CFLAR: variants seen among roughly 807,000 people sequenced by gnomAD.
CFLAR encodes the protein CASP8 and FADD like apoptosis regulator, also known as CASP8 and FADD-like apoptosis regulator.
CFLAR carries 14 observed loss-of-function variants against 51.1 expected under a neutral mutation model. The observed-to-expected ratio is 0.27, with a 90% CI of 0.18 to 0.43. The LOEUF is 0.43. CFLAR is among the 20% of genes least tolerant of loss of function. CFLAR has a pLI of 1.00. For missense variants in CFLAR, 390 were observed against 566.5 expected, an observed-to-expected ratio of 0.69 and a Z score of 3.16; for synonymous variants, 210 against 211.6, an observed-to-expected ratio of 0.99 and a Z score of 0.06.
intron 6 of CFLAR, chr2:201,147,874 TA>T (rs1413879147): frequency 1.3e-5 from 2 of 152,020 alleles, no homozygotes; most frequent in African/African-American, 4.8e-5. Flanking sequence ...TCTAAATAAA[TA>T]AATAAATAAT....
intron 5 of CFLAR, among the ~76,000 whole-genome samples, chr2:201,142,292 TTA>T (rs1180957244): frequency 4.4e-5 from 6 of 137,280 alleles, no homozygotes; most frequent in Admixed American, 7.2e-5. Context: ...AAAAAAAATA[TTA>T]TATATATATA....
At chr2:201,154,095 TTTAA>T in intron 8 of CFLAR, 1 of 302,034 alleles carries the variant, frequency 3.3e-6, no homozygotes, top group Non-Finnish European at 6.5e-6. Context: ...TTTTTATATT[TTTAA>T]TTTATTTTTA....
chr2:201,132,431 ATATATATAT>A (rs1296660180), intron 2 of CFLAR, among the ~76,000 whole-genome samples: 11 of 68,680 alleles, frequency 1.6e-4, no homozygotes, highest in African/African-American at 3.0e-4. Flanking sequence ...GGGGGGAAAA[ATATATATAT>A]ATATATATAT....
At chr2:201,151,440 T>A (rs781455251) in intron 8 of CFLAR, among the ~76,000 whole-genome samples, 1 of 152,196 alleles carries the variant, frequency 6.6e-6, no homozygotes, top group Non-Finnish European at 1.5e-5. Context: ...GGGAGTTTTA[T>A]GGGAAGAAAG....
intron 6 of CFLAR, among the ~76,000 whole-genome samples, chr2:201,146,139 TTCTTA>T (rs1264994778): frequency 2.0e-5 from 3 of 148,314 alleles, no homozygotes; most frequent in African/African-American, 7.5e-5. Flanking sequence ...GCTAATTTTT[TTCTTA>T]TCTTTTCTTT....
In CFLAR at chr2:201,118,007, G is replaced by C. The variant is rs950662635; in HGVS notation, c.-138+1526G>C. Among the ~76,000 whole-genome samples the C allele has an allele frequency of 6.6e-6, 1 of 151,810 alleles. No individual in the cohort carries two copies. Among genetic ancestry groups the C allele is most frequent in the Non-Finnish European group, 1.5e-5 (1 of 67,980 alleles). ...TGACCTTAGGTGATCCGCCCGCCTC[G>C]GCATCCCAAAGTGCTGGGATTACAG... On this transcript the variant is annotated intron_variant, in intron 1 of 9. Coordinates refer to ENST00000309955, the MANE Select transcript of CFLAR (RefSeq NM_003879.7). This position sits in a 1 kb window ranked among gnomAD's most constrained non-coding sequence, Gnocchi z 5.1.
At position 201,176,278 on chromosome 2, in the gene CFLAR, C is replaced by CGGGGGG. The variant is rs150924424; in HGVS notation, c.*12312_*12317dup. The CGGGGGG allele has an allele frequency of 1.3e-4, 5 of 37,718 alleles. No homozygotes were observed. The highest frequency in any genetic ancestry group is 6.3e-4 in the African/African-American group (4 of 6,322). The allele number at this position is 37,718 out of a possible 1,614,324, so 2.3% of individuals were successfully genotyped here. On this transcript the variant is annotated 3_prime_UTR_variant, in exon 10 of 10. Transcript: ENST00000309955. ...GATCAGTCTCAGGTGTTTTCTATTG[C>CGGGGGG]GGGGGGGGGGGGCGGGCGGGGGAGC...
rs1218703015 is a variant in CFLAR, at chr2:201,118,171, C to A, written c.-138+1690C>A. ...ACTTGCTTTACTTAAGCTTTTGGGT[C>A]AAATGTCCTCGTTAAAATGGCTTTC... On this transcript the variant is annotated intron_variant, in intron 1 of 9. Transcript: ENST00000309955. This position sits in a 1 kb window ranked among gnomAD's most constrained non-coding sequence, Gnocchi z 5.1. Among the ~76,000 whole-genome samples the A allele has an allele frequency of 6.6e-6, 1 of 152,202 alleles. No individual in the cohort carries two copies. Among genetic ancestry groups the A allele is most frequent in the Non-Finnish European group, 1.5e-5 (1 of 68,034 alleles).
chr2:201,140,010 TG>T, intron 4 of CFLAR: 1 of 308,732 alleles, frequency 3.2e-6, no homozygotes, highest in Non-Finnish European at 6.6e-6. Context: ...GTGCTGCTGC[TG>T]ATAGGTAGTC....
At chr2:201,154,503 A>G (rs1438367010) in intron 8 of CFLAR, 5 of 152,334 alleles carry the variant, frequency 3.3e-5, no homozygotes, top group Non-Finnish European at 1.5e-5. Context: ...GCTTTTAACT[A>G]CTTTGCCTCA....
intron 4 of CFLAR, chr2:201,137,939 G>T: frequency 1.3e-6 from 1 of 760,276 alleles, no homozygotes; most frequent in South Asian, 1.4e-5. Flanking sequence ...CCAGGGCCTT[G>T]ACCACATGCC....
chr2:201,128,799 A>C (rs1337891051), intron 1 of CFLAR, among the ~76,000 whole-genome samples: 1 of 152,264 alleles, frequency 6.6e-6, no homozygotes, highest in Non-Finnish European at 1.5e-5. Context: ...CATAAGTTTT[A>C]GCTGTGAAAC....
At chr2:201,128,011 T>C (rs557557470) in intron 1 of CFLAR, among the ~76,000 whole-genome samples, 1 of 152,326 alleles carries the variant, frequency 6.6e-6, no homozygotes, top group South Asian at 2.1e-4. Flanking sequence ...TGTAAAAAAA[T>C]AGAGAATTAA....
intron 9 of CFLAR, chr2:201,163,090 A>G (rs1202371278): frequency 1.5e-5 from 11 of 752,312 alleles, no homozygotes; most frequent in Non-Finnish European, 2.6e-5. Flanking sequence ...GGATGGTCAT[A>G]TCAGCTTTAT....
rs149079750 is a variant in CFLAR at position 201,121,092 on chromosome 2, T to C, written c.-138+4611T>C. Among the ~76,000 whole-genome samples, 875 of 152,330 alleles carry C rather than the reference T, an allele frequency of 5.7e-3. 5 individuals carry two copies. The highest frequency in any genetic ancestry group is 7.1e-3 in the Non-Finnish European group (485 of 68,018). ...AGCGCAAAAGTTTCACCCAAAACCT[T>C]GGCCATGGTATGCTATTGAAACCCC... is the stretch of plus-strand genomic sequence containing the variant. On this transcript the variant is annotated intron_variant, in intron 1 of 9. Coordinates refer to ENST00000309955, the MANE Select transcript of CFLAR (RefSeq NM_003879.7).
intron 5 of CFLAR, among the ~76,000 whole-genome samples, chr2:201,142,294 A>T (rs903146923): frequency 3.7e-4 from 54 of 144,506 alleles, no homozygotes; most frequent in Admixed American, 6.2e-4. Context: ...AAAAAATATT[A>T]TATATATATA....
chr2:201,136,859 C>A, intron 4 of CFLAR: 1 of 231,588 alleles, frequency 4.3e-6, no homozygotes, highest in South Asian at 6.2e-5. Context: ...CAACAGTGAT[C>A]CCAAAGTGTG....
At chr2:201,161,601 G>T (rs539419923) in intron 9 of CFLAR, among the ~76,000 whole-genome samples, 153 of 151,664 alleles carry the variant, frequency 1.0e-3, no homozygotes, top group Non-Finnish European at 1.8e-4. Context: ...TTTTAGTAGA[G>T]ACTGGGTTTC....
chr2:201,145,345 CA>C lies in CFLAR; in HGVS notation c.607-32del. The stretch of plus-strand genomic sequence containing the variant: ...TATAGTGTACCTCTGAAATAACTAA[CA>C]GGAAGTATGACCTTATTCTTTGTAT... On this transcript the variant is annotated intron_variant, in intron 5 of 9. Coordinates refer to ENST00000309955, the MANE Select transcript of CFLAR (RefSeq NM_003879.7). 5.2e-6 allele frequency: 7 copies of C among 1,343,048 alleles called. No individual in the cohort carries two copies. In the South Asian group the frequency reaches 8.4e-5, roughly 16 times the overall value. The allele number at this position is 1,343,048 out of a possible 1,614,324, so 83.2% of individuals were successfully genotyped here. A position where few individuals can be genotyped will look rare whatever the true frequency, so the allele number is the denominator to read the frequency against.
Sources: allele counts gnomAD v4.1 joint callset (sites outside exome capture counted in the v4.1 genomes callset), GRCh38; gene constraint gnomAD v4.1.1; non-coding constraint Gnocchi (gnomAD v3.1); transcripts MANE v1.5; gene names NCBI Gene and HGNC (gene_info 2026-07-23, HGNC 2026-07-21).